ADAMTSL1: variants seen among roughly 807,000 people sequenced by gnomAD.
ADAMTSL1 encodes ADAMTS-like protein 1.
Under a neutral mutation model 201.8 loss-of-function variants are expected in ADAMTSL1, and 126 were observed. The ratio of observed to expected loss-of-function variants is 0.62; its 90% CI spans 0.54 to 0.72. ADAMTSL1 has a LOEUF of 0.72. Ranked by LOEUF, ADAMTSL1 falls within the 30% of genes least tolerant of loss-of-function variation. The pLI is 0.00. For missense variants in ADAMTSL1, 2,679 were observed against 2,277.8 expected, an observed-to-expected ratio of 1.18 and a Z score of -3.59; for synonymous variants, 1,121 against 903.4, an observed-to-expected ratio of 1.24 and a Z score of -4.32.
intron 1 of ADAMTSL1, among the ~76,000 whole-genome samples, chr9:17,953,724 T>TG (rs1011449202): frequency 3.9e-5 from 6 of 152,318 alleles, no homozygotes; most frequent in African/African-American, 1.4e-4. Flanking sequence ...TGTATGTGCA[T>TG]GGAAAAAGTC....
At position 18,777,198 on chromosome 9, in the gene ADAMTSL1, A is replaced by C. The variant is rs41268983; in HGVS notation, c.2969A>C (p.Glu990Ala). The change falls in exon 19 of 29, where the codon GAG (glutamate) becomes GCG (alanine). Residue 990 changes from glutamate to alanine, a missense_variant. Physicochemically the swap from Glu to Ala is moderately radical, Grantham distance 107 (BLOSUM62 -1). Coordinates refer to ENST00000380548, the MANE Select transcript of ADAMTSL1 (RefSeq NM_001040272.6). ...VLAGRKGGPK[E>A]ALQTHKHQNG... is the part of the protein sequence containing the mutation. Reference sequence around the variant, plus strand: ...GCGGGGAGGAAGGGCGGCCCGAAGGAGGCCCTGCAGACCCACAAACACCAG... The same window carrying C: ...GCGGGGAGGAAGGGCGGCCCGAAGGCGGCCCTGCAGACCCACAAACACCAG... 249,564 of 1,612,664 alleles carry C rather than the reference A, an allele frequency of 0.15. 20,636 individuals are homozygous for C. The highest frequency in any genetic ancestry group is 0.17 in the Non-Finnish European group (199,544 of 1,179,716).
rs41268987 is a variant in ADAMTSL1, at chr9:18,908,520, G to T, written c.5261G>T (p.Arg1754Leu). The T allele has an allele frequency of 6.4e-7, 1 of 1,562,916 alleles. No individual in the cohort carries two copies. The highest frequency in any genetic ancestry group is 1.2e-5 in the South Asian group (1 of 84,540). ...TGCCAACTCAGCCAGTTTAAATCTC[G>T]CTGCTGTGGAACTTGTGGCAAAGCG... The part of the protein sequence containing the change: ...KLCQLSQFKS[R>L]CCGTCGKA Residue 1754 changes from arginine to leucine, a missense_variant, in exon 29 of 29, where the codon CGC becomes CTC. Physicochemically the swap from Arg to Leu is moderately radical, Grantham distance 102. Coordinates refer to ENST00000380548, the MANE Select transcript of ADAMTSL1 (RefSeq NM_001040272.6).
rs916483451 is a variant in ADAMTSL1 at position 18,909,065 on chromosome 9, G to A, written c.*517G>A. ...AATGGGGAGGGGACACCATGCTGAG[G>A]CAGAAACTAGCCCAGAACTCACTCA... On this transcript the variant is annotated 3_prime_UTR_variant, in exon 29 of 29. Coordinates refer to ENST00000380548, the MANE Select transcript of ADAMTSL1 (RefSeq NM_001040272.6). The A allele has an allele frequency of 1.4e-4, 22 of 155,872 alleles. No individual in the cohort carries two copies. The highest frequency in any genetic ancestry group is 5.3e-4 in the African/African-American group (22 of 41,464). The allele number at this position is 155,872 out of a possible 1,614,324, so 9.7% of individuals were successfully genotyped here.
At chr9:18,844,152 C>G (rs2131335316) in intron 23 of ADAMTSL1, among the ~76,000 whole-genome samples, 1 of 152,226 alleles carries the variant, frequency 6.6e-6, no homozygotes, top group Non-Finnish European at 1.5e-5. Flanking sequence ...TGTTTTTTCC[C>G]TATCTTTGTG....
At chr9:17,940,712 C>CAAAAAAAAAA (rs60466124) in intron 1 of ADAMTSL1, among the ~76,000 whole-genome samples, 109 of 88,234 alleles carry the variant, frequency 1.2e-3, no homozygotes, top group African/African-American at 1.7e-3. Flanking sequence ...GCATAACGTG[C>CAAAAAAAAAA]AAAAAAAAAA....
chr9:18,016,461 A>G (rs1216348366), intron 1 of ADAMTSL1, among the ~76,000 whole-genome samples: 1 of 152,024 alleles, frequency 6.6e-6, no homozygotes, highest in Admixed American at 6.6e-5. Context: ...TGAAACTCAC[A>G]GAAGCACAGA....
At chr9:18,583,935 G>C (rs1010206417) in intron 4 of ADAMTSL1, among the ~76,000 whole-genome samples, 1 of 152,158 alleles carries the variant, frequency 6.6e-6, no homozygotes, top group African/African-American at 2.4e-5. Flanking sequence ...TAACTAACGT[G>C]CTTTTGATTT....
chr9:18,891,795 G>A (rs2164001), intron 25 of ADAMTSL1, among the ~76,000 whole-genome samples: 59,082 of 152,086 alleles, frequency 0.39, 12,155 homozygotes, highest in East Asian at 0.54. Context: ...GAGGTGACAC[G>A]AATTTGGATC....
At chr9:18,429,141 G>A (rs895277417) in intron 2 of ADAMTSL1, among the ~76,000 whole-genome samples, 9 of 151,718 alleles carry the variant, frequency 5.9e-5, no homozygotes, top group South Asian at 4.2e-4. Flanking sequence ...ATACATACAC[G>A]TATGTGAATT....
At chr9:18,451,897 G>A (rs1202727238) in intron 2 of ADAMTSL1, among the ~76,000 whole-genome samples, 1 of 152,220 alleles carries the variant, frequency 6.6e-6, no homozygotes, top group African/African-American at 2.4e-5. Context: ...GAGTGAGGGA[G>A]CAAGAGAGGT....
intron 2 of ADAMTSL1, among the ~76,000 whole-genome samples, chr9:18,179,389 T>C (rs181441034): frequency 6.6e-6 from 1 of 152,136 alleles, no homozygotes; most frequent in African/African-American, 2.4e-5. Context: ...AAAGACCAAA[T>C]CTACGTCTGA....
chr9:18,541,471 T>C (rs1820139832), intron 3 of ADAMTSL1, among the ~76,000 whole-genome samples: 2 of 151,482 alleles, frequency 1.3e-5, no homozygotes, highest in Non-Finnish European at 2.9e-5. Context: ...GATCGTGTCA[T>C]TGCACTCCAG....
intron 1 of ADAMTSL1, among the ~76,000 whole-genome samples, chr9:18,150,265 A>T (rs937340130): frequency 1.3e-5 from 2 of 152,060 alleles, no homozygotes; most frequent in Admixed American, 6.6e-5. Context: ...CCTTTAAAGG[A>T]TGGGCAGGGG....
intron 1 of ADAMTSL1, among the ~76,000 whole-genome samples, chr9:18,050,753 A>G (rs1335435223): frequency 6.6e-6 from 1 of 152,110 alleles, no homozygotes; most frequent in Non-Finnish European, 1.5e-5. Flanking sequence ...TGGGGATCTG[A>G]CTCACTTAAT....
intron 26 of ADAMTSL1, among the ~76,000 whole-genome samples, chr9:18,902,919 G>T (rs1475620780): frequency 1.3e-5 from 2 of 152,118 alleles, no homozygotes; most frequent in Admixed American, 6.6e-5. Context: ...AAATAAAAAG[G>T]ATTGGCCAGG....
intron 28 of ADAMTSL1, chr9:18,907,602 G>A (rs575932952): frequency 1.3e-5 from 2 of 152,474 alleles, no homozygotes; most frequent in African/African-American, 2.4e-5. Flanking sequence ...ATGTAGCTGT[G>A]CAGTTTTCTC....
rs575956032 is a variant in ADAMTSL1 at position 18,655,156 on chromosome 9, T to A, written c.835-2483T>A. Among the ~76,000 whole-genome samples, 10 of 152,388 alleles carry A rather than the reference T, an allele frequency of 6.6e-5. No homozygotes were observed. The South Asian group carries it at 2.1e-3, about 32-fold the overall frequency. ...AAAGATGCTTTAACAGTGCTTTCTC[T>A]GGAAAAGCCTTTGTGTGCTTAATGA... On this transcript the variant is annotated intron_variant, in intron 7 of 28. Transcript: ENST00000380548.
Position 18,887,923 on chromosome 9 carries a change from T to G in ADAMTSL1, c.4342T>G (p.Leu1448Val). 1 of 1,614,008 alleles carries G rather than the reference T, an allele frequency of 6.2e-7. No homozygotes were observed. The highest frequency in any genetic ancestry group is 8.5e-7 in the Non-Finnish European group (1 of 1,179,888). The change falls in exon 24 of 29, where the codon TTG (leucine) becomes GTG (valine). Residue 1448 changes from leucine to valine, a missense_variant. Physicochemically the swap from Leu to Val is conservative, Grantham distance 32. Coordinates refer to ENST00000380548, the MANE Select transcript of ADAMTSL1 (RefSeq NM_001040272.6). ...TGCCACAGGACTGACGCATCACATC[T>G]TGGCAGCTGGACAGATCCTTCAAGT... is the stretch of plus-strand genomic sequence containing the variant. ...VTATGLTHHI[L>V]AAGQILQVAN...
chr9:18,795,788 A>G (rs1175439727), intron 20 of ADAMTSL1, among the ~76,000 whole-genome samples: 1 of 152,230 alleles, frequency 6.6e-6, no homozygotes, highest in Non-Finnish European at 1.5e-5. Context: ...AGAGACAGGG[A>G]TATTTCATGC....
Sources: allele counts gnomAD v4.1 joint callset (sites outside exome capture counted in the v4.1 genomes callset), GRCh38; gene constraint gnomAD v4.1.1; transcripts MANE v1.5; gene names NCBI Gene and HGNC (gene_info 2026-07-23, HGNC 2026-07-21).